Variants in SRPK2 observed in about 807,000 individuals in gnomAD.
SRPK2 encodes SFRS protein kinase 2.
A neutral mutation model predicts 90.8 loss-of-function variants in SRPK2; 21 were observed. The ratio of observed to expected loss-of-function variants is 0.23; its 90% CI spans 0.16 to 0.33. The LOEUF (loss-of-function observed/expected upper bound fraction) is 0.33, where lower values mean the gene tolerates loss of function less well. Ranked by LOEUF, SRPK2 falls within the 10% of genes least tolerant of loss-of-function variation. The probability of loss-of-function intolerance (pLI) is 1.00; values close to 1 mark genes in which losing one functional copy is unlikely to be tolerated. For missense variants in SRPK2, 620 were observed against 869.0 expected, an observed-to-expected ratio of 0.71 and a Z score of 3.60; for synonymous variants, 288 against 311.1, an observed-to-expected ratio of 0.93 and a Z score of 0.78.
chr7:105,147,835 A>G (rs1804890142), intron 7 of SRPK2, among the ~76,000 whole-genome samples: 1 of 152,200 alleles, frequency 6.6e-6, no homozygotes, highest in Admixed American at 6.5e-5. Flanking sequence ...AGCATGTATT[A>G]GTACTTCGCT....
intron 11 of SRPK2, among the ~76,000 whole-genome samples, chr7:105,141,638 C>T (rs1178732589): frequency 2.0e-5 from 3 of 152,050 alleles, no homozygotes; most frequent in African/African-American, 4.8e-5. Flanking sequence ...AGAAACAAAA[C>T]AAAACTAAAC....
intron 2 of SRPK2, among the ~76,000 whole-genome samples, chr7:105,273,023 G>A (rs562275900): frequency 6.6e-6 from 1 of 151,968 alleles, no homozygotes; most frequent in South Asian, 2.1e-4. Flanking sequence ...AGACCATCCT[G>A]GCTAACATGG....
At chr7:105,271,237 A>G (rs564330750) in intron 2 of SRPK2, among the ~76,000 whole-genome samples, 1 of 152,258 alleles carries the variant, frequency 6.6e-6, no homozygotes, top group African/African-American at 2.4e-5. Flanking sequence ...AAAAAGCCCA[A>G]GATTAAATTA....
intron 1 of SRPK2, among the ~76,000 whole-genome samples, chr7:105,398,645 A>T (rs1354830250): frequency 1.3e-5 from 2 of 152,190 alleles, no homozygotes; most frequent in African/African-American, 4.8e-5. Context: ...CAAGGCTTTT[A>T]AATTCTTTAA....
At chr7:105,327,390 A>T (rs1177558547) in intron 2 of SRPK2, among the ~76,000 whole-genome samples, 2 of 152,224 alleles carry the variant, frequency 1.3e-5, no homozygotes, top group Admixed American at 1.3e-4. Context: ...CAGTTACAAC[A>T]GAGGTCACTT....
intron 7 of SRPK2, among the ~76,000 whole-genome samples, chr7:105,159,464 A>AAAAAACAAAAAACAAAAAAAAAAAC (rs1807166173): frequency 7.1e-6 from 1 of 141,598 alleles, no homozygotes; most frequent in African/African-American, 2.9e-5. Flanking sequence ...AAAAAAAAAA[A>AAAAAACAAAAAACAAAAAAAAAAAC]AAAAAAAAAC....
Position 105,180,004 on chromosome 7 carries a change from G to A in SRPK2, c.230-10739C>T, listed in dbSNP as rs549544384. Among the ~76,000 whole-genome samples, 4 of 152,176 alleles carry A rather than the reference G, an allele frequency of 2.6e-5. No individual in the cohort carries two copies. In the East Asian group the frequency reaches 7.7e-4, roughly 29 times the overall value. On this transcript the variant is annotated intron_variant, in intron 3 of 15. Transcript: ENST00000393651. ...TCAATATTGTTAAAACAGCTATACT[G>A]CCTGAAACAATTTACAGATTCAATG...
intron 2 of SRPK2, among the ~76,000 whole-genome samples, chr7:105,377,642 G>A (rs1256473779): frequency 6.6e-6 from 1 of 152,088 alleles, no homozygotes; most frequent in Non-Finnish European, 1.5e-5. Context: ...ATGCTGCAGT[G>A]AGAACTGAGA....
At chr7:105,190,974 G>A (rs1282399107) in intron 3 of SRPK2, among the ~76,000 whole-genome samples, 1 of 152,066 alleles carries the variant, frequency 6.6e-6, no homozygotes, top group Non-Finnish European at 1.5e-5. Flanking sequence ...GGTATGATGT[G>A]ATGTTTTAAT....
chr7:105,122,004 C>T (rs909496032), intron 15 of SRPK2, among the ~76,000 whole-genome samples: 17 of 152,078 alleles, frequency 1.1e-4, no homozygotes, highest in African/African-American at 2.9e-4. Flanking sequence ...ATTGTGTACA[C>T]GTAGAAAGTA....
intron 2 of SRPK2, among the ~76,000 whole-genome samples, chr7:105,382,029 G>A (rs572829638): frequency 4.6e-5 from 7 of 151,996 alleles, no homozygotes; most frequent in African/African-American, 1.7e-4. Context: ...TTAGCCAGGC[G>A]TGGTGGCACA....
chr7:105,374,083 C>T (rs559376198), intron 2 of SRPK2, among the ~76,000 whole-genome samples: 7 of 152,064 alleles, frequency 4.6e-5, no homozygotes, highest in South Asian at 2.1e-4. Flanking sequence ...CATGCCACCA[C>T]GCCCAGCTAA....
intron 2 of SRPK2, among the ~76,000 whole-genome samples, chr7:105,236,536 T>G (rs911024370): frequency 1.3e-5 from 2 of 152,148 alleles, no homozygotes; most frequent in Non-Finnish European, 2.9e-5. Flanking sequence ...AAAATAGGTT[T>G]TATTCCCGTT....
rs1406859453 is a variant in SRPK2 at position 105,245,350 on chromosome 7, G to A, written c.72-41565C>T. ...ATCTTCTCAGTGAGGTCCAGGCAGA[G>A]GGAAGTACACATTATGAAGATAAGA... On this transcript the variant is annotated intron_variant, in intron 2 of 15. Coordinates refer to ENST00000393651, the MANE Select transcript of SRPK2 (RefSeq NM_182692.3). 3.3e-5 allele frequency among the ~76,000 whole-genome samples: 5 copies of A among 152,266 alleles called. No individual in the cohort carries two copies. In the East Asian group the frequency reaches 9.7e-4, roughly 29 times the overall value.
intron 2 of SRPK2, among the ~76,000 whole-genome samples, chr7:105,380,516 C>A (rs529758176): frequency 7.3e-6 from 1 of 137,658 alleles, no homozygotes. Context: ...AATTAACATG[C>A]TAAAATTTTT....
intron 3 of SRPK2, among the ~76,000 whole-genome samples, chr7:105,176,717 GTGTGTGTGTA>G (rs1429819421): frequency 4.7e-4 from 53 of 113,400 alleles, no homozygotes; most frequent in Admixed American, 1.4e-3. Context: ...GTATGTGTGT[GTGTGTGTGTA>G]TGTATGTATG....
At chr7:105,371,351 A>C (rs1819663571) in intron 2 of SRPK2, among the ~76,000 whole-genome samples, 1 of 152,160 alleles carries the variant, frequency 6.6e-6, no homozygotes. Context: ...GACAGTAATA[A>C]ATGTAATTTG....
chr7:105,357,674 G>A (rs1817936411), intron 2 of SRPK2, among the ~76,000 whole-genome samples: 2 of 151,810 alleles, frequency 1.3e-5, no homozygotes, highest in Non-Finnish European at 2.9e-5. Flanking sequence ...AACCCAGGAG[G>A]CGGAGGTTAC....
intron 2 of SRPK2, chr7:105,244,632 G>A (rs1205088592): frequency 1.4e-5 from 10 of 738,178 alleles, no homozygotes; most frequent in Admixed American, 1.1e-4. Context: ...CGCCAGGGCC[G>A]CCTTTGGAGA....
Sources: allele counts gnomAD v4.1 joint callset (sites outside exome capture counted in the v4.1 genomes callset), GRCh38; gene constraint gnomAD v4.1.1; transcripts MANE v1.5; gene names NCBI Gene and HGNC (gene_info 2026-07-23, HGNC 2026-07-21).